The following TNPO3 variants were observed in gnomAD, a reference collection of about 807,000 sequenced individuals.
TNPO3 encodes the protein transportin-3.
A neutral mutation model predicts 122.8 loss-of-function variants in TNPO3; 65 were observed. The ratio of observed to expected loss-of-function variants is 0.53; its 90% CI spans 0.43 to 0.65. The LOEUF is 0.65. Ranked by LOEUF, TNPO3 falls within the 30% of genes least tolerant of loss-of-function variation. The probability of loss-of-function intolerance (pLI) is 0.00; values close to 1 mark genes in which losing one functional copy is unlikely to be tolerated. For synonymous variants in TNPO3, 372 were observed against 411.2 expected, an observed-to-expected ratio of 0.90 and a Z score of 1.15; for missense variants, 850 against 1,136.7, an observed-to-expected ratio of 0.75 and a Z score of 3.63.
chr7:128,983,909 A>G (rs1355293168), intron 13 of TNPO3, among the ~76,000 whole-genome samples: 1 of 152,218 alleles, frequency 6.6e-6, no homozygotes. Context: ...GTGGTCACTC[A>G]TACTGGCTCA....
chr7:129,015,255 G>A, intron 3 of TNPO3, 120 bp from the exon 4 acceptor site: 1 of 939,834 alleles, frequency 1.1e-6, no homozygotes, highest in South Asian at 1.6e-5. Context: ...CTGTTAAGGG[G>A]GAGAAAAAAG....
chr7:128,969,227 G>C (rs1370130575), intron 20 of TNPO3, among the ~76,000 whole-genome samples: 1 of 152,180 alleles, frequency 6.6e-6, no homozygotes, highest in East Asian at 1.9e-4. Flanking sequence ...AGAGTATGAA[G>C]ACTTTTTCCC....
intron 17 of TNPO3, 95 bp downstream of exon 17, chr7:128,975,724 A>G: frequency 1.3e-6 from 1 of 778,736 alleles, no homozygotes; most frequent in Non-Finnish European, 2.2e-6. Flanking sequence ...GAAAACATAA[A>G]GAAGCAACAG....
chr7:129,056,055 TG>T, upstream of TNPO3: 1 of 1,165,446 alleles, frequency 8.6e-7, no homozygotes, highest in Non-Finnish European at 1.3e-6. Flanking sequence ...GGGGAGGAAC[TG>T]GAAGATGAAC....
intron 4 of TNPO3, among the ~76,000 whole-genome samples, chr7:129,007,283 A>C (rs1288791836): frequency 6.6e-6 from 1 of 152,220 alleles, no homozygotes; most frequent in East Asian, 1.9e-4. Flanking sequence ...GTCTGGCTTC[A>C]AAGTCTATGA....
intron 20 of TNPO3, 127 bp downstream of exon 20, chr7:128,970,021 A>G: frequency 9.9e-7 from 1 of 1,005,276 alleles, no homozygotes; most frequent in South Asian, 1.5e-5. Flanking sequence ...CTAATTTGGC[A>G]ATATGCCTAA....
intron 1 of TNPO3, among the ~76,000 whole-genome samples, chr7:129,048,476 G>C (rs1808311843): frequency 6.6e-6 from 1 of 152,168 alleles, no homozygotes; most frequent in South Asian, 2.1e-4. Context: ...GTTGCAGTGA[G>C]CCAAGATGGT....
intron 15 of TNPO3, 80 bp downstream of exon 15, chr7:128,979,891 T>C (rs1585331232): frequency 7.9e-7 from 1 of 1,267,738 alleles, no homozygotes; most frequent in East Asian, 2.3e-5. Flanking sequence ...GAAGACAGTA[T>C]CTTCTCAGGT....
At chr7:128,984,067 T>G (rs1219432755) in intron 13 of TNPO3, 101 bp downstream of exon 13, 1 of 648,864 alleles carries the variant, frequency 1.5e-6, no homozygotes, top group Non-Finnish European at 2.4e-6. Context: ...TTCTTGGATT[T>G]TCTAGGTAGA....
chr7:129,014,870 T>C, intron 4 of TNPO3, 109 bp downstream of exon 4: 2 of 1,056,938 alleles, frequency 1.9e-6, no homozygotes, highest in East Asian at 2.6e-5. Flanking sequence ...CAAAGCATCA[T>C]CATTAAATTT....
At chr7:129,000,691 T>G in intron 6 of TNPO3, 124 bp from the exon 7 acceptor site, 1 of 968,238 alleles carries the variant, frequency 1.0e-6, no homozygotes, top group Non-Finnish European at 1.5e-6. Context: ...GATTATTTAC[T>G]ATGCTGTATC....
intron 21 of TNPO3, among the ~76,000 whole-genome samples, chr7:128,961,817 G>T (rs193018963): frequency 6.6e-6 from 1 of 152,048 alleles, no homozygotes; most frequent in Non-Finnish European, 1.5e-5. Flanking sequence ...ACTTGACTAG[G>T]GATTCAACCC....
intron 4 of TNPO3, among the ~76,000 whole-genome samples, chr7:129,011,011 T>G (rs1221416766): frequency 6.6e-6 from 1 of 152,192 alleles, no homozygotes; most frequent in Non-Finnish European, 1.5e-5. Context: ...GGGCGGTATA[T>G]AGCTAGAACC....
chr7:129,000,919 T>C (rs953521596), intron 6 of TNPO3, 140 bp downstream of exon 6: 4 of 1,014,714 alleles, frequency 3.9e-6, no homozygotes, highest in South Asian at 1.7e-5. Flanking sequence ...AAGAGCATAG[T>C]AGAGCATCTT....
chr7:129,011,551 C>G (rs1803201188), intron 4 of TNPO3, among the ~76,000 whole-genome samples: 1 of 151,776 alleles, frequency 6.6e-6, no homozygotes. Flanking sequence ...ACCATGTTGG[C>G]CAGGATGGTC....
intron 1 of TNPO3, among the ~76,000 whole-genome samples, chr7:129,036,192 A>G (rs1390126359): frequency 2.0e-5 from 3 of 151,822 alleles, no homozygotes; most frequent in Non-Finnish European, 4.4e-5. Flanking sequence ...TGACCTCATG[A>G]TCCGCCCACC....
intron 1 of TNPO3, among the ~76,000 whole-genome samples, chr7:129,052,374 A>G (rs1808887996): frequency 6.6e-6 from 1 of 152,218 alleles, no homozygotes; most frequent in Non-Finnish European, 1.5e-5. Flanking sequence ...TCAAGTAACT[A>G]TTCCCTCTTT....
At chr7:129,032,905 A>G (rs923681842) in intron 1 of TNPO3, among the ~76,000 whole-genome samples, 21 of 152,234 alleles carry the variant, frequency 1.4e-4, no homozygotes, top group Non-Finnish European at 2.8e-4. Context: ...ATCTTAAAAA[A>G]GAATAATATT....
chr7:129,008,732 C>CGAGA (rs1363515691), intron 4 of TNPO3, among the ~76,000 whole-genome samples: 3 of 152,140 alleles, frequency 2.0e-5, no homozygotes, highest in African/African-American at 7.2e-5. Context: ...AGCTGATACT[C>CGAGA]ATTCTCTCTC....
Sources: allele counts gnomAD v4.1 joint callset (sites outside exome capture counted in the v4.1 genomes callset), GRCh38; gene constraint gnomAD v4.1.1; transcripts MANE v1.5; gene names NCBI Gene and HGNC (gene_info 2026-07-23, HGNC 2026-07-21).